The following CNBD1 variants were observed in gnomAD, a reference collection of about 807,000 sequenced individuals.
CNBD1 encodes cyclic nucleotide-binding domain-containing protein 1.
CNBD1 carries 71 observed loss-of-function variants against 54.4 expected under a neutral mutation model. The ratio of observed to expected loss-of-function variants is 1.30; its 90% confidence interval spans 1.08 to 1.59. The LOEUF is 1.59. Ranked by LOEUF, CNBD1 falls within the 40% of genes most tolerant of loss-of-function variation. The pLI is 0.00. For synonymous variants in CNBD1, 182 were observed against 170.7 expected (o/e 1.07, Z -0.51); for missense variants, 659 against 518.0 (o/e 1.27, Z -2.64).
intron 10 of CNBD1, among the ~76,000 whole-genome samples, chr8:87,377,601 C>T (rs915478413): frequency 2.8e-4 from 42 of 151,256 alleles, no homozygotes; most frequent in East Asian, 9.7e-4. Context: ...TGAATAATGC[C>T]GCAATAAACA....
intron 6 of CNBD1, among the ~76,000 whole-genome samples, chr8:87,241,312 C>T (rs1807698643): frequency 7.1e-6 from 1 of 140,058 alleles, no homozygotes; most frequent in South Asian, 2.3e-4. Context: ...GCTCTGTCGC[C>T]CAGGCTGGAG....
At chr8:87,353,434 A>G (rs1437327856) in intron 9 of CNBD1, among the ~76,000 whole-genome samples, 1 of 152,218 alleles carries the variant, frequency 6.6e-6, no homozygotes, top group Non-Finnish European at 1.5e-5. Context: ...AGATATGCCT[A>G]AGTTATCTAT....
At chr8:87,133,885 C>T (rs1237870141) in intron 4 of CNBD1, among the ~76,000 whole-genome samples, 1 of 152,038 alleles carries the variant, frequency 6.6e-6, no homozygotes, top group African/African-American at 2.4e-5. Context: ...CCTTTTGACT[C>T]ATATTTTCCC....
intron 4 of CNBD1, among the ~76,000 whole-genome samples, chr8:87,092,493 G>GTGTATATATATACACATATGTGTGTT: frequency 6.8e-6 from 1 of 147,718 alleles, no homozygotes; most frequent in East Asian, 2.0e-4. Flanking sequence ...ATATGTGTGT[G>GTGTATATATATACACATATGTGTGTT]TGTATATATA....
intron 8 of CNBD1, among the ~76,000 whole-genome samples, chr8:87,320,627 C>T (rs2878855): frequency 6.2e-5 from 9 of 144,698 alleles, no homozygotes; most frequent in South Asian, 2.1e-4. Context: ...TGTGGGGGGG[C>T]GGCTCAGGGT....
intron 4 of CNBD1, among the ~76,000 whole-genome samples, chr8:87,145,340 CA>C (rs1812460742): frequency 6.6e-6 from 1 of 151,998 alleles, no homozygotes; most frequent in South Asian, 2.1e-4. Context: ...TTGTACCTGT[CA>C]AAAATATCTT....
At position 86,905,169 on chromosome 8, in the gene CNBD1, A is replaced by G; in HGVS notation, c.247A>G (p.Lys83Glu). Residue 83 changes from lysine (K) to glutamate (E), a missense_variant, in exon 3 of 11, where the codon AAA becomes GAA. Physicochemically the swap from Lys to Glu is moderately conservative, Grantham distance 56. Coordinates refer to ENST00000518476, the MANE Select transcript of CNBD1 (RefSeq NM_173538.3). ...VFLHQKPRLP[K>E]LFKQEEQREL... is the part of the protein sequence containing the mutation. ...CCTGCACCAAAAACCCAGACTTCCTAAACTTTTCAAACAGGAGGAACAAAG... is the reference window on the plus strand; with the variant it reads ...CCTGCACCAAAAACCCAGACTTCCTGAACTTTTCAAACAGGAGGAACAAAG... The G allele has an allele frequency of 6.2e-7, 1 of 1,606,130 alleles. No homozygotes were observed. Among genetic ancestry groups the G allele is most frequent in the Non-Finnish European group, 8.5e-7 (1 of 1,173,350 alleles).
At chr8:87,197,772 G>GT (rs2130791063) in intron 4 of CNBD1, among the ~76,000 whole-genome samples, 1 of 152,330 alleles carries the variant, frequency 6.6e-6, no homozygotes, top group African/African-American at 2.4e-5. Context: ...ATAAAGAGCT[G>GT]TAACTTTTGA....
At chr8:87,340,242 G>C (rs759943710) in intron 8 of CNBD1, among the ~76,000 whole-genome samples, 7 of 152,198 alleles carry the variant, frequency 4.6e-5, no homozygotes, top group Non-Finnish European at 7.4e-5. Context: ...GAAATCTGCT[G>C]ATGGTCGTAT....
chr8:87,393,322 C>T (rs1471153196), intron 2 of CNBD1, among the ~76,000 whole-genome samples: 4 of 151,916 alleles, frequency 2.6e-5, no homozygotes, highest in Admixed American at 1.3e-4. Flanking sequence ...ATAATATTCT[C>T]CCTCCAGAAA....
At chr8:87,324,712 G>C (rs1267239412) in intron 8 of CNBD1, among the ~76,000 whole-genome samples, 2 of 151,314 alleles carry the variant, frequency 1.3e-5, no homozygotes, top group African/African-American at 4.9e-5. Context: ...TAGTAGTCTT[G>C]CTAGCGGTCT....
Position 87,312,791 on chromosome 8 carries a change from C to G in CNBD1, c.1042+26120C>G, listed in dbSNP as rs571719440. On this transcript the variant is annotated intron_variant, in intron 8 of 10. Transcript: ENST00000518476. Reference sequence around the variant, plus strand: ...TTCCATAAAAATTTTTTTCTAAAAACAAGAGAAATATTGGGTCAGTACAGG... The same window carrying G: ...TTCCATAAAAATTTTTTTCTAAAAAGAAGAGAAATATTGGGTCAGTACAGG... Among the ~76,000 whole-genome samples the G allele has an allele frequency of 2.0e-5, 3 of 151,798 alleles. No homozygotes were observed. In the South Asian group the frequency reaches 6.2e-4, roughly 32 times the overall value.
intron 10 of CNBD1, among the ~76,000 whole-genome samples, chr8:87,359,987 A>AGAACTG (rs1810495540): frequency 6.6e-6 from 1 of 152,062 alleles, no homozygotes; most frequent in South Asian, 2.1e-4. Flanking sequence ...CAATTCTTTT[A>AGAACTG]GAACTATAAA....
chr8:87,298,326 T>G (rs1808919472), intron 8 of CNBD1, among the ~76,000 whole-genome samples: 1 of 152,048 alleles, frequency 6.6e-6, no homozygotes, highest in African/African-American at 2.4e-5. Context: ...ATTAACTGCT[T>G]AGGTTCCCAG....
intron 8 of CNBD1, among the ~76,000 whole-genome samples, chr8:87,296,755 G>A (rs1808883884): frequency 6.6e-6 from 1 of 151,934 alleles, no homozygotes; most frequent in African/African-American, 2.4e-5. Context: ...TCATAAAACA[G>A]GCTATAATTC....
rs538444258 is a variant in CNBD1, at chr8:87,211,654, G to C, written c.577+5516G>C. On this transcript the variant is annotated intron_variant, in intron 5 of 10. Transcript: ENST00000518476. ...TGCTCCTTCTCTCTCCATGTGATGC[G>C]TCTGCTTCCATTTTACCTTCTACTA... Among the ~76,000 whole-genome samples the C allele has an allele frequency of 5.3e-4, 80 of 152,148 alleles. 1 individual carries two copies. Among genetic ancestry groups the C allele is most frequent in the African/African-American group, 1.8e-3 (74 of 41,492 alleles).
intron 4 of CNBD1, among the ~76,000 whole-genome samples, chr8:87,159,243 T>A (rs1812807472): frequency 6.6e-6 from 1 of 152,138 alleles, no homozygotes; most frequent in Non-Finnish European, 1.5e-5. Flanking sequence ...TCAGGCTATA[T>A]AAACACCAGT....
intron 10 of CNBD1, among the ~76,000 whole-genome samples, chr8:87,357,328 G>C (rs1182532781): frequency 6.6e-6 from 1 of 152,158 alleles, no homozygotes; most frequent in African/African-American, 2.4e-5. Context: ...TCTGAGCCTG[G>C]AAAAGCTACA....
chr8:87,031,986 C>T (rs946635442), intron 4 of CNBD1, among the ~76,000 whole-genome samples: 2 of 152,146 alleles, frequency 1.3e-5, no homozygotes, highest in African/African-American at 4.8e-5. Flanking sequence ...GGTGATCCTC[C>T]CCCCTCAGCC....
Sources: allele counts gnomAD v4.1 joint callset (sites outside exome capture counted in the v4.1 genomes callset), GRCh38; gene constraint gnomAD v4.1.1; transcripts MANE v1.5; gene names NCBI Gene and HGNC (gene_info 2026-07-23, HGNC 2026-07-21).